Variants in SYTL5 observed in about 807,000 individuals in gnomAD.
SYTL5 encodes synaptotagmin-like protein 5.
SYTL5 carries 34 observed loss-of-function variants against 55.9 expected under a neutral mutation model. That is an observed-to-expected ratio of 0.61 (90% CI 0.46 to 0.81). SYTL5 has a LOEUF of 0.81. Among genes scored for constraint, SYTL5 ranks in the 30% least tolerant of loss-of-function variants. The probability of loss-of-function intolerance (pLI) is 0.00; values close to 1 mark genes in which losing one functional copy is unlikely to be tolerated. For missense variants in SYTL5, 637 were observed against 546.7 expected (o/e 1.17, Z -1.65); for synonymous variants, 221 against 188.7 (o/e 1.17, Z -1.40).
the SYTL5 span, among the ~76,000 whole-genome samples, chrX:37,903,142 C>T: frequency 2.9e-3 from 327 of 111,008 alleles, 1 homozygote; most frequent in Middle Eastern, 0.014. Context: ...GTCAGTGTGG[C>T]GATTCCTCAG....
At chrX:37,998,707 G>A in the SYTL5 span, among the ~76,000 whole-genome samples, 1 of 111,902 alleles carries the variant, frequency 8.9e-6, no homozygotes, top group Non-Finnish European at 1.9e-5. Flanking sequence ...CAGCAGGACC[G>A]AGCACAACTC....
At chrX:38,096,890 C>CT in intron 9 of SYTL5, among the ~76,000 whole-genome samples, 1 of 111,038 alleles carries the variant, frequency 9.0e-6, no homozygotes, top group South Asian at 3.7e-4. Flanking sequence ...TGGGAAAATA[C>CT]TTTAAAATCT....
At chrX:38,083,163 C>T (rs1423314285) in intron 6 of SYTL5, among the ~76,000 whole-genome samples, 1 of 111,405 alleles carries the variant, frequency 9.0e-6, no homozygotes, top group Non-Finnish European at 1.9e-5. Flanking sequence ...TGGCTGCTGG[C>T]CTCTCTCCTC....
chrX:38,072,021 A>G (rs754247016), intron 3 of SYTL5, 26 bp from the exon 4 acceptor site: 8 of 1,077,589 alleles, frequency 7.4e-6, no homozygotes, highest in Non-Finnish European at 1.0e-5. Context: ...TTGAATTTCA[A>G]TGCTCTTCCC....
At chrX:37,930,631 G>C in the SYTL5 span, among the ~76,000 whole-genome samples, 2 of 111,974 alleles carry the variant, frequency 1.8e-5, no homozygotes, top group Non-Finnish European at 3.8e-5. Context: ...TCCTTGGTCA[G>C]CTACTTTTGC....
chrX:38,002,134 C>A (rs1441490502), upstream of SYTL5, among the ~76,000 whole-genome samples: 3 of 110,269 alleles, frequency 2.7e-5, no homozygotes, highest in Admixed American at 2.9e-4. Context: ...TTTGTCCTTG[C>A]AATAGTTTGC....
chrX:37,929,297 T>C, the SYTL5 span, among the ~76,000 whole-genome samples: 23 of 111,122 alleles, frequency 2.1e-4, no homozygotes, highest in African/African-American at 7.5e-4. Context: ...GATAAGGGCT[T>C]TTCTTCTCAG....
chrX:38,058,818 AC>A (rs1935861150), intron 3 of SYTL5, among the ~76,000 whole-genome samples: 1 of 111,217 alleles, frequency 9.0e-6, no homozygotes, highest in African/African-American at 3.2e-5. Context: ...AACATCTTGA[AC>A]CTGTACATTA....
chrX:38,118,329 A>T (rs914194619), intron 13 of SYTL5, among the ~76,000 whole-genome samples: 1 of 112,007 alleles, frequency 8.9e-6, no homozygotes, highest in African/African-American at 3.2e-5. Context: ...TAACAGTCTC[A>T]GTATTTTTAA....
At chrX:38,123,483 C>T (rs1210559911) in intron 15 of SYTL5, among the ~76,000 whole-genome samples, 2 of 111,368 alleles carry the variant, frequency 1.8e-5, no homozygotes, top group Admixed American at 9.5e-5. Flanking sequence ...CTGGGGCCTC[C>T]CCATTGGTGA....
At chrX:38,062,185 G>C (rs1935968807) in intron 3 of SYTL5, among the ~76,000 whole-genome samples, 1 of 110,743 alleles carries the variant, frequency 9.0e-6, no homozygotes, top group Non-Finnish European at 1.9e-5. Flanking sequence ...GGCCAGGCTG[G>C]TCTCAAATTC....
intron 13 of SYTL5, among the ~76,000 whole-genome samples, chrX:38,112,553 T>A: frequency 8.9e-6 from 1 of 112,336 alleles, no homozygotes; most frequent in Non-Finnish European, 1.9e-5. Context: ...GAAGTTAGTG[T>A]CTCTAATCTC....
intron 10 of SYTL5, among the ~76,000 whole-genome samples, chrX:38,104,130 T>C (rs765667384): frequency 1.8e-5 from 2 of 112,205 alleles, no homozygotes; most frequent in Non-Finnish European, 3.8e-5. Context: ...TGCCAAAAAC[T>C]CAGCTTCAGA....
the SYTL5 span, among the ~76,000 whole-genome samples, chrX:37,942,157 A>G: frequency 2.7e-5 from 3 of 112,527 alleles, no homozygotes; most frequent in East Asian, 8.3e-4. Flanking sequence ...TTCTTTCATT[A>G]GTACATTTTT....
At chrX:38,095,807 T>G (rs1238961635) in intron 8 of SYTL5, among the ~76,000 whole-genome samples, 1 of 109,457 alleles carries the variant, frequency 9.1e-6, no homozygotes, top group Non-Finnish European at 1.9e-5. Flanking sequence ...TCTAAGAGAG[T>G]TTTTTAAAGT....
intron 13 of SYTL5, among the ~76,000 whole-genome samples, chrX:38,111,434 A>G (rs1001142189): frequency 2.7e-5 from 3 of 112,276 alleles, no homozygotes; most frequent in Non-Finnish European, 5.6e-5. Context: ...TATACGTGTT[A>G]CTTGGGAGTC....
At chrX:37,902,180 G>A in the SYTL5 span, among the ~76,000 whole-genome samples, 2 of 111,697 alleles carry the variant, frequency 1.8e-5, no homozygotes, top group African/African-American at 6.5e-5. Context: ...CTACACCCAG[G>A]GCTTCCTCTC....
intron 13 of SYTL5, among the ~76,000 whole-genome samples, chrX:38,117,385 T>C (rs901066286): frequency 8.9e-6 from 1 of 112,007 alleles, no homozygotes; most frequent in African/African-American, 3.2e-5. Flanking sequence ...CAATAATGCA[T>C]GTTTTTGATC....
At chrX:37,931,528 G>A in the SYTL5 span, among the ~76,000 whole-genome samples, 1 of 110,915 alleles carries the variant, frequency 9.0e-6, no homozygotes, top group Non-Finnish European at 1.9e-5. Context: ...CTCTTCTATA[G>A]AGCATTTATC....
Sources: gnomAD v4.1 joint callset for allele counts (sites outside exome capture counted in the v4.1 genomes callset) on GRCh38, gnomAD v4.1.1 for gene constraint, MANE v1.5 for transcripts, NCBI Gene and HGNC (gene_info 2026-07-23, HGNC 2026-07-21) for gene names.